Variants in ITGBL1 observed in about 807,000 individuals in gnomAD.
The protein encoded by ITGBL1 is integrin subunit beta like 1.
A neutral mutation model predicts 68.5 loss-of-function variants in ITGBL1; 51 were observed. That is an observed-to-expected ratio of 0.74 (90% CI 0.59 to 0.94). The LOEUF (loss-of-function observed/expected upper bound fraction) is 0.94, where lower values mean the gene tolerates loss of function less well. ITGBL1 is among the 40% of genes least tolerant of loss of function. The pLI is 0.00. For synonymous variants in ITGBL1, 209 were observed against 227.3 expected (o/e 0.92, Z 0.72); for missense variants, 649 against 647.4 (o/e 1.00, Z -0.03).
intron 2 of ITGBL1, among the ~76,000 whole-genome samples, chr13:101,562,987 A>T (rs1288972580): frequency 6.6e-6 from 1 of 151,646 alleles, no homozygotes; most frequent in Non-Finnish European, 1.5e-5. Flanking sequence ...GATCTGAAAA[A>T]AATTTGAACA....
intron 7 of ITGBL1, among the ~76,000 whole-genome samples, chr13:101,666,468 A>G (rs1165383012): frequency 6.6e-6 from 1 of 150,882 alleles, no homozygotes; most frequent in Non-Finnish European, 1.5e-5. Context: ...CTTTCCAGAG[A>G]GTTCTTGGAT....
chr13:101,462,766 A>G (rs1184276213), intron 2 of ITGBL1, among the ~76,000 whole-genome samples: 1 of 152,136 alleles, frequency 6.6e-6, no homozygotes, highest in African/African-American at 2.4e-5. Flanking sequence ...TATGTTTAGT[A>G]GAGACAGGGC....
At chr13:101,650,074 C>T (rs1295602924) in intron 7 of ITGBL1, among the ~76,000 whole-genome samples, 6 of 143,512 alleles carry the variant, frequency 4.2e-5, no homozygotes, top group East Asian at 2.1e-4. Flanking sequence ...AGATAATTAG[C>T]GTTTTTTTCT....
intron 2 of ITGBL1, among the ~76,000 whole-genome samples, chr13:101,553,403 T>A (rs571249002): frequency 9.2e-5 from 14 of 152,294 alleles, no homozygotes; most frequent in Admixed American, 5.9e-4. Flanking sequence ...AATGCATTAA[T>A]ATGTCAATGT....
intron 2 of ITGBL1, among the ~76,000 whole-genome samples, chr13:101,532,391 A>G (rs1387640415): frequency 6.6e-6 from 1 of 152,190 alleles, no homozygotes; most frequent in Non-Finnish European, 1.5e-5. Context: ...TAGATGCTTA[A>G]CTATATTTTA....
chr13:101,682,051 C>T (rs2033656418), intron 7 of ITGBL1, among the ~76,000 whole-genome samples: 1 of 152,126 alleles, frequency 6.6e-6, no homozygotes, highest in South Asian at 2.1e-4. Flanking sequence ...AGATATGAGT[C>T]ATCCATGAAT....
intron 8 of ITGBL1, among the ~76,000 whole-genome samples, chr13:101,696,466 A>T (rs528575570): frequency 4.0e-4 from 61 of 152,202 alleles, no homozygotes; most frequent in Non-Finnish European, 7.5e-4. Flanking sequence ...AGCAACAGAG[A>T]TGGAGAAACT....
chr13:101,659,397 A>T (rs1015913287), intron 7 of ITGBL1, among the ~76,000 whole-genome samples: 1 of 152,192 alleles, frequency 6.6e-6, no homozygotes, highest in Non-Finnish European at 1.5e-5. Context: ...ATTTTAATTA[A>T]GATCGTTCTC....
chr13:101,525,649 A>G (rs2139145358), intron 2 of ITGBL1, among the ~76,000 whole-genome samples: 1 of 152,170 alleles, frequency 6.6e-6, no homozygotes, highest in Admixed American at 6.5e-5. Context: ...TTACTCCCAT[A>G]GAAAGAACAA....
At chr13:101,637,621 G>T (rs1447908938) in intron 7 of ITGBL1, among the ~76,000 whole-genome samples, 1 of 152,166 alleles carries the variant, frequency 6.6e-6, no homozygotes, top group Non-Finnish European at 1.5e-5. Flanking sequence ...GGGATTACAG[G>T]CGTGAGCCAC....
intron 1 of ITGBL1, among the ~76,000 whole-genome samples, chr13:101,453,538 C>T (rs1193842042): frequency 6.6e-6 from 1 of 152,218 alleles, no homozygotes; most frequent in Non-Finnish European, 1.5e-5. Flanking sequence ...CCTTGGATTA[C>T]TTTGTATTTA....
At chr13:101,527,137 A>G (rs546133596) in intron 2 of ITGBL1, among the ~76,000 whole-genome samples, 87 of 152,134 alleles carry the variant, frequency 5.7e-4, no homozygotes, top group African/African-American at 2.0e-3. Flanking sequence ...CACCCATTTA[A>G]AGTATACACT....
intron 2 of ITGBL1, among the ~76,000 whole-genome samples, chr13:101,524,504 G>C (rs1004118299): frequency 1.3e-5 from 2 of 151,758 alleles, no homozygotes; most frequent in Non-Finnish European, 2.9e-5. Context: ...AAAGATATTG[G>C]TGGTCATTAT....
intron 9 of ITGBL1, among the ~76,000 whole-genome samples, chr13:101,708,108 T>A (rs1290871719): frequency 6.6e-6 from 1 of 151,420 alleles, no homozygotes; most frequent in Admixed American, 6.6e-5. Context: ...GAGTAAAGAA[T>A]GCTAATAGAT....
intron 2 of ITGBL1, among the ~76,000 whole-genome samples, chr13:101,471,532 A>ATGTGTGTG (rs150659546): frequency 1.2e-4 from 13 of 110,512 alleles, no homozygotes; most frequent in Non-Finnish European, 2.6e-4. Context: ...GTGTGTATGT[A>ATGTGTGTG]TGTGTGTGTG....
In ITGBL1 at chr13:101,608,159, TTA is replaced by T. The variant is rs562838214; in HGVS notation, c.1015+9862_1015+9863del. ...GAAAATAGAAACCATGTCCTCATTT[TTA>T]TCAATTAGCATGCTTTAATTAATGA... On this transcript the variant is annotated intron_variant, in intron 7 of 10. Coordinates refer to ENST00000376180, the MANE Select transcript of ITGBL1 (RefSeq NM_004791.3). 3.3e-3 allele frequency among the ~76,000 whole-genome samples: 497 copies of T among 152,198 alleles called. 4 individuals are homozygous for T. Among genetic ancestry groups the T allele is most frequent in the Admixed American group, 8.9e-3 (136 of 15,250 alleles).
rs2034683599 is a variant in ITGBL1, at chr13:101,715,604, G to A, written c.1435G>A (p.Gly479Arg). 6.2e-7 allele frequency: 1 copy of A among 1,613,438 alleles called. No homozygotes were observed. Among genetic ancestry groups the A allele is most frequent in the East Asian group, 2.2e-5 (1 of 44,832 alleles). ...CTGTGGAAACTGTGAATGCTGGGAT[G>A]GATGGAATGGAAATGCATGTGAAAT... ...CSCGNCECWDGWNGNACEIWL... is the reference protein window; with the variant it reads ...CSCGNCECWDRWNGNACEIWL... The change falls in exon 11 of 11, where the codon GGA becomes AGA. Residue 479 changes from glycine (G) to arginine (R), a missense_variant. Physicochemically the swap from Gly to Arg is moderately radical, Grantham distance 125 (BLOSUM62 -2). Transcript: ENST00000376180.
Position 101,548,155 on chromosome 13 carries a change from A to C in ITGBL1, c.317-19544A>C, listed in dbSNP as rs16959031. The stretch of plus-strand genomic sequence containing the variant: ...AATGTAGAAAAGAAGGTCAATTTCC[A>C]AAGTTTATTCTTCAAGGCTGCAAAA... On this transcript the variant is annotated intron_variant, in intron 2 of 10. Transcript: ENST00000376180. Among the ~76,000 whole-genome samples, 1,392 of 151,984 alleles carry C rather than the reference A, an allele frequency of 9.2e-3. 20 individuals are homozygous for C. Among genetic ancestry groups the C allele is most frequent in the African/African-American group, 0.032 (1,321 of 41,546 alleles).
intron 2 of ITGBL1, among the ~76,000 whole-genome samples, chr13:101,559,936 C>A (rs936179216): frequency 3.9e-5 from 6 of 152,122 alleles, no homozygotes; most frequent in African/African-American, 9.7e-5. Context: ...GAGTGGAGAC[C>A]TTTTAATTTC....
Sources: gnomAD v4.1 joint callset for allele counts (sites outside exome capture counted in the v4.1 genomes callset) on GRCh38, gnomAD v4.1.1 for gene constraint, MANE v1.5 for transcripts, NCBI Gene and HGNC (gene_info 2026-07-23, HGNC 2026-07-21) for gene names.